The following EFCAB6 variants were observed in gnomAD, a reference collection of about 807,000 sequenced individuals.
The protein encoded by EFCAB6 is EF-hand calcium-binding domain-containing protein 6.
A neutral mutation model predicts 169.8 loss-of-function variants in EFCAB6; 156 were observed. The ratio of observed to expected loss-of-function variants is 0.92; its 90% CI spans 0.81 to 1.05. The LOEUF is 1.05. Ranked by LOEUF, EFCAB6 falls within the 50% of genes least tolerant of loss-of-function variation. The pLI, the probability that EFCAB6 is intolerant of heterozygous loss-of-function variation, is 0.00. For synonymous variants in EFCAB6, 698 were observed against 676.4 expected, an observed-to-expected ratio of 1.03 and a Z score of -0.50; for missense variants, 1,800 against 1,829.1, an observed-to-expected ratio of 0.98 and a Z score of 0.29.
At chr22:43,582,373 C>A (rs946200216) in intron 24 of EFCAB6, among the ~76,000 whole-genome samples, 2 of 151,988 alleles carry the variant, frequency 1.3e-5, no homozygotes, top group South Asian at 4.2e-4. Flanking sequence ...CACACATACA[C>A]ACAGGCGTTG....
At chr22:43,753,046 G>A (rs1367124463) in intron 6 of EFCAB6, among the ~76,000 whole-genome samples, 5 of 152,110 alleles carry the variant, frequency 3.3e-5, no homozygotes, top group Admixed American at 6.6e-5. Context: ...ACCCTGAAAG[G>A]TACTTTAGAG....
At chr22:43,733,333 A>G (rs566550219) in intron 7 of EFCAB6, among the ~76,000 whole-genome samples, 23 of 152,194 alleles carry the variant, frequency 1.5e-4, no homozygotes, top group Non-Finnish European at 2.4e-4. Context: ...AACAGGCTGA[A>G]CTGTAGTGAT....
chr22:43,633,531 A>G (rs2055139962), intron 18 of EFCAB6, among the ~76,000 whole-genome samples: 1 of 152,158 alleles, frequency 6.6e-6, no homozygotes, highest in African/African-American at 2.4e-5. Flanking sequence ...CTGGTGACAG[A>G]GTGAGACTCC....
Position 43,668,907 on chromosome 22 carries a change from T to C in EFCAB6, c.1779A>G (p.Gln593=). ...PKDQLLSEHL[Q]KDEQQQPDLS... is the part of the protein sequence containing the mutation. ...GATCTGGCTGCTGCTGTTCATCTTTTTGTAAATGTTCACTTAACAGCTGAT... is the reference window on the plus strand; with the variant it reads ...GATCTGGCTGCTGCTGTTCATCTTTCTGTAAATGTTCACTTAACAGCTGAT... The change falls in exon 16 of 32, where the codon CAA becomes CAG. Residue 593 remains glutamine, a synonymous_variant. Coordinates refer to ENST00000262726, the MANE Select transcript of EFCAB6 (RefSeq NM_022785.4). 6.2e-7 allele frequency: 1 copy of C among 1,608,432 alleles called. No individual in the cohort carries two copies. The highest frequency in any genetic ancestry group is 8.5e-7 in the Non-Finnish European group (1 of 1,177,578).
intron 26 of EFCAB6, among the ~76,000 whole-genome samples, chr22:43,555,733 C>T (rs1165296432): frequency 6.6e-6 from 1 of 152,228 alleles, no homozygotes; most frequent in African/African-American, 2.4e-5. Context: ...CTGCCCCACT[C>T]CTTGGGCACT....
At chr22:43,675,209 TATATC>T (rs1339884374) in intron 13 of EFCAB6, among the ~76,000 whole-genome samples, 1 of 145,680 alleles carries the variant, frequency 6.9e-6, no homozygotes, top group Non-Finnish European at 1.5e-5. Context: ...ATATATAATA[TATATC>T]ATATAACTAT....
At chr22:43,539,425 G>C (rs1229674298) in intron 28 of EFCAB6, among the ~76,000 whole-genome samples, 1 of 152,228 alleles carries the variant, frequency 6.6e-6, no homozygotes, top group Non-Finnish European at 1.5e-5. Flanking sequence ...GCACACAGTA[G>C]GTGTGCAATA....
chr22:43,551,216 C>T (rs1439030912), intron 27 of EFCAB6, among the ~76,000 whole-genome samples: 2 of 152,174 alleles, frequency 1.3e-5, no homozygotes, highest in Non-Finnish European at 2.9e-5. Context: ...CCAGGAAACT[C>T]GCCTTCGACC....
intron 11 of EFCAB6, among the ~76,000 whole-genome samples, chr22:43,687,155 G>A (rs1253554299): frequency 2.6e-5 from 4 of 152,170 alleles, no homozygotes; most frequent in Admixed American, 6.5e-5. Flanking sequence ...TTGCCGTGGC[G>A]GCCTGTGTGC....
At chr22:43,649,875 G>A (rs932984784) in intron 17 of EFCAB6, among the ~76,000 whole-genome samples, 4 of 152,190 alleles carry the variant, frequency 2.6e-5, no homozygotes, top group African/African-American at 7.2e-5. Flanking sequence ...TGGGGCAGAC[G>A]GCCCAGGCAG....
intron 9 of EFCAB6, among the ~76,000 whole-genome samples, chr22:43,712,665 T>C (rs999058489): frequency 4.6e-5 from 7 of 152,194 alleles, no homozygotes; most frequent in Admixed American, 1.3e-4. Context: ...TCTGATACAC[T>C]GCCTGGGGGA....
chr22:43,784,682 C>T (rs995201310), intron 2 of EFCAB6, among the ~76,000 whole-genome samples: 1,413 of 74,302 alleles, frequency 0.019, 63 homozygotes, highest in African/African-American at 0.046. Context: ...TATATACACA[C>T]ACACACACAC....
chr22:43,737,228 G>A (rs1363470463), intron 6 of EFCAB6, among the ~76,000 whole-genome samples: 6 of 152,026 alleles, frequency 3.9e-5, no homozygotes, highest in Admixed American at 2.0e-4. Context: ...GACGGGTGCT[G>A]CGTGGTAATC....
intron 27 of EFCAB6, among the ~76,000 whole-genome samples, chr22:43,545,210 C>T (rs1201301247): frequency 6.6e-6 from 1 of 152,058 alleles, no homozygotes; most frequent in Non-Finnish European, 1.5e-5. Flanking sequence ...ATGATTATGT[C>T]TTTTTCAATG....
chr22:43,709,895 G>A (rs548533623), intron 10 of EFCAB6, among the ~76,000 whole-genome samples: 1 of 152,232 alleles, frequency 6.6e-6, no homozygotes, highest in South Asian at 2.1e-4. Flanking sequence ...TTCGTACATG[G>A]TGATTCTCTC....
intron 30 of EFCAB6, among the ~76,000 whole-genome samples, chr22:43,531,434 AAC>A (rs2047062385): frequency 6.6e-6 from 1 of 152,192 alleles, no homozygotes; most frequent in Non-Finnish European, 1.5e-5. Flanking sequence ...TATTATAATG[AAC>A]AGTGTTAAAA....
intron 8 of EFCAB6, 34 bp from the exon 9 acceptor site, chr22:43,717,006 T>C (rs1241359995): frequency 2.8e-6 from 4 of 1,439,450 alleles, no homozygotes; most frequent in Admixed American, 2.7e-5. Flanking sequence ...CTTATCAACA[T>C]TGTCAAAGGT....
At chr22:43,586,996 A>G (rs2051119956) in intron 24 of EFCAB6, among the ~76,000 whole-genome samples, 1 of 152,230 alleles carries the variant, frequency 6.6e-6, no homozygotes, top group Non-Finnish European at 1.5e-5. Context: ...CCAAGAAATC[A>G]CTTCCTAAAA....
At chr22:43,737,712 A>ACACATATAT (rs2060200655) in intron 6 of EFCAB6, among the ~76,000 whole-genome samples, 1 of 147,018 alleles carries the variant, frequency 6.8e-6, no homozygotes. Flanking sequence ...CACTCACACC[A>ACACATATAT]TCACTCACAC....
Sources: gnomAD v4.1 joint callset for allele counts (sites outside exome capture counted in the v4.1 genomes callset) on GRCh38, gnomAD v4.1.1 for gene constraint, MANE v1.5 for transcripts, NCBI Gene and HGNC (gene_info 2026-07-23, HGNC 2026-07-21) for gene names.